STPG2: variants seen among roughly 807,000 people sequenced by gnomAD.
The protein encoded by STPG2 is sperm-tail PG-rich repeat-containing protein 2.
Under a neutral mutation model 54.2 loss-of-function variants are expected in STPG2, and 56 were observed. The observed-to-expected ratio is 1.03, with a 90% CI of 0.83 to 1.29. The LOEUF is 1.29. STPG2 is among the 50% of genes most tolerant of loss of function. The pLI is 0.00. For missense variants in STPG2, 596 were observed against 544.9 expected (o/e 1.09, Z -0.93); for synonymous variants, 200 against 181.8 (o/e 1.10, Z -0.81).
At chr4:97,473,665 T>A (rs1190108179) in intron 4 of STPG2, among the ~76,000 whole-genome samples, 1 of 152,164 alleles carries the variant, frequency 6.6e-6, no homozygotes, top group African/African-American at 2.4e-5. Context: ...GTGATCTCTG[T>A]GACCCACACC....
intron 9 of STPG2, among the ~76,000 whole-genome samples, chr4:97,830,033 G>T (rs553502615): frequency 6.6e-6 from 1 of 152,168 alleles, no homozygotes; most frequent in South Asian, 2.1e-4. Context: ...ACACCACAAA[G>T]ATACTACTCG....
intron 7 of STPG2, among the ~76,000 whole-genome samples, chr4:97,964,503 G>A (rs1734016081): frequency 6.6e-6 from 1 of 152,048 alleles, no homozygotes; most frequent in Non-Finnish European, 1.5e-5. Flanking sequence ...ACAGAATATA[G>A]ACTTATTTGA....
At chr4:97,696,658 G>T (rs937698893) in intron 10 of STPG2, among the ~76,000 whole-genome samples, 1 of 152,116 alleles carries the variant, frequency 6.6e-6, no homozygotes, top group Admixed American at 6.5e-5. Flanking sequence ...AATCTACAAG[G>T]AACTTAAAAC....
At chr4:97,565,592 G>C (rs1472481941) in intron 10 of STPG2, among the ~76,000 whole-genome samples, 1 of 152,094 alleles carries the variant, frequency 6.6e-6, no homozygotes, top group Non-Finnish European at 1.5e-5. Flanking sequence ...TTGATGATGT[G>C]ATGTACAGAT....
intron 10 of STPG2, among the ~76,000 whole-genome samples, chr4:97,647,422 T>A (rs994487233): frequency 6.6e-6 from 1 of 152,118 alleles, no homozygotes; most frequent in Non-Finnish European, 1.5e-5. Flanking sequence ...AAGCAAGAAT[T>A]TGCACTTCTA....
intron 9 of STPG2, among the ~76,000 whole-genome samples, chr4:97,774,922 C>T (rs562741234): frequency 1.3e-5 from 2 of 152,192 alleles, no homozygotes; most frequent in South Asian, 4.1e-4. Context: ...CTGTCTGTCT[C>T]CACTTTGAGG....
chr4:97,790,156 TG>T (rs1224237802), intron 9 of STPG2, among the ~76,000 whole-genome samples: 2 of 141,556 alleles, frequency 1.4e-5, no homozygotes, highest in African/African-American at 5.5e-5. Flanking sequence ...TTTCTGCTTT[TG>T]CTCACGATTA....
chr4:97,678,423 G>A (rs1264812433), intron 10 of STPG2, among the ~76,000 whole-genome samples: 1 of 151,754 alleles, frequency 6.6e-6, no homozygotes, highest in African/African-American at 2.4e-5. Flanking sequence ...AATAGTTTAG[G>A]GTAGATATAT....
intron 10 of STPG2, among the ~76,000 whole-genome samples, chr4:97,601,047 G>A (rs1053428206): frequency 2.0e-5 from 3 of 152,012 alleles, no homozygotes; most frequent in African/African-American, 7.2e-5. Context: ...AAAGTGATTG[G>A]GATAGGAGTG....
In STPG2 at chr4:97,678,895, G is replaced by A. The variant is rs546629112; in HGVS notation, c.1320+33804C>T. ...GTGGTGTTTGGTTTCTTGTTCTTGC[G>A]ATAGTTTACTGAGAATGATGATTTC... On this transcript the variant is annotated intron_variant, in intron 10 of 10. Transcript: ENST00000295268. 2.1e-4 allele frequency among the ~76,000 whole-genome samples: 32 copies of A among 151,446 alleles called. 1 individual carries two copies. The South Asian group carries it at 6.2e-3, about 30-fold the overall frequency.
intron 10 of STPG2, among the ~76,000 whole-genome samples, chr4:97,604,958 C>A (rs552978136): frequency 2.6e-5 from 4 of 151,856 alleles, no homozygotes; most frequent in African/African-American, 9.6e-5. Context: ...TAAAATAGAA[C>A]TTTAGAATAT....
downstream of STPG2, chr4:97,558,806 C>A: frequency 4.9e-6 from 2 of 411,012 alleles, no homozygotes. Context: ...TACTTTAAGC[C>A]AAAAAATGTT....
chr4:97,995,088 G>T (rs1578764970), intron 5 of STPG2, among the ~76,000 whole-genome samples: 1 of 151,988 alleles, frequency 6.6e-6, no homozygotes, highest in Admixed American at 6.6e-5. Context: ...GTGGTAGAAA[G>T]CCAGCATCCA....
chr4:97,702,926 G>A (rs1723820652), intron 10 of STPG2, among the ~76,000 whole-genome samples: 1 of 152,084 alleles, frequency 6.6e-6, no homozygotes, highest in Non-Finnish European at 1.5e-5. Flanking sequence ...TCTACAGGAG[G>A]TAAGACTCTG....
intron 4 of STPG2, among the ~76,000 whole-genome samples, chr4:97,552,620 G>C (rs1175523693): frequency 6.6e-6 from 1 of 152,010 alleles, no homozygotes; most frequent in Non-Finnish European, 1.5e-5. Context: ...ATATATGCTA[G>C]AGGACACACA....
chr4:97,895,886 T>G (rs1730936054), intron 8 of STPG2, among the ~76,000 whole-genome samples: 1 of 151,810 alleles, frequency 6.6e-6, no homozygotes, highest in Admixed American at 6.6e-5. Flanking sequence ...AGAAATTATT[T>G]AAGTGGTCTT....
chr4:97,480,592 A>G (rs1002320273), intron 4 of STPG2, among the ~76,000 whole-genome samples: 2 of 151,630 alleles, frequency 1.3e-5, no homozygotes, highest in African/African-American at 2.4e-5. Context: ...GTTGCTATTA[A>G]TCATTAATAC....
At chr4:97,911,955 T>C (rs1731694781) in intron 8 of STPG2, among the ~76,000 whole-genome samples, 1 of 152,078 alleles carries the variant, frequency 6.6e-6, no homozygotes, top group African/African-American at 2.4e-5. Flanking sequence ...GTTCGTACCC[T>C]TCTGGAACAA....
intron 10 of STPG2, among the ~76,000 whole-genome samples, chr4:97,600,406 A>G (rs907951850): frequency 7.9e-5 from 12 of 152,344 alleles, no homozygotes; most frequent in African/African-American, 2.6e-4. Flanking sequence ...TACTATGTAT[A>G]AAATAAGCAT....
Sources: allele counts gnomAD v4.1 joint callset (sites outside exome capture counted in the v4.1 genomes callset), GRCh38; gene constraint gnomAD v4.1.1; transcripts MANE v1.5; gene names NCBI Gene and HGNC (gene_info 2026-07-23, HGNC 2026-07-21).